Variants in MEGF11 observed in about 807,000 individuals in gnomAD.
MEGF11 encodes multiple EGF like domains 11.
Under a neutral mutation model 146.6 loss-of-function variants are expected in MEGF11, and 126 were observed. The ratio of observed to expected loss-of-function variants is 0.86; its 90% CI spans 0.74 to 1.00. The LOEUF is 1.00. MEGF11 is among the 50% of genes least tolerant of loss of function. The probability of loss-of-function intolerance (pLI) is 0.00; values close to 1 mark genes in which losing one functional copy is unlikely to be tolerated. For synonymous variants in MEGF11, 532 were observed against 583.4 expected (o/e 0.91, Z 1.27); for missense variants, 1,509 against 1,521.2 (o/e 0.99, Z 0.13).
chr15:66,200,300 C>T (rs778906489), intron 1 of MEGF11, among the ~76,000 whole-genome samples: 7 of 152,194 alleles, frequency 4.6e-5, no homozygotes, highest in Non-Finnish European at 8.8e-5. Context: ...ACAAGTTTTA[C>T]TTTTACATTT....
chr15:66,065,112 T>C (rs2085068469), intron 5 of MEGF11, among the ~76,000 whole-genome samples: 1 of 152,074 alleles, frequency 6.6e-6, no homozygotes, highest in Admixed American at 6.6e-5. Flanking sequence ...GGGAAGCAAA[T>C]GCTGCCACGG....
chr15:66,174,265 A>G (rs1322720853), intron 1 of MEGF11, among the ~76,000 whole-genome samples: 2 of 152,194 alleles, frequency 1.3e-5, no homozygotes, highest in African/African-American at 4.8e-5. Flanking sequence ...AAGGCCAGAG[A>G]TCAGAAAGGG....
chr15:66,126,749 A>C (rs2088367840), intron 2 of MEGF11, among the ~76,000 whole-genome samples: 2 of 152,216 alleles, frequency 1.3e-5, no homozygotes, highest in African/African-American at 4.8e-5. Flanking sequence ...GCTGGAGTCC[A>C]AAACCCACAG....
intron 24 of MEGF11, among the ~76,000 whole-genome samples, chr15:65,900,039 G>C (rs145843576): frequency 1.3e-5 from 2 of 152,316 alleles, no homozygotes; most frequent in African/African-American, 4.8e-5. Flanking sequence ...GACTCCTGCA[G>C]ATAGTCCCAG....
intron 24 of MEGF11, 49 bp from the exon 25 acceptor site, chr15:65,898,983 A>G (rs758186894): frequency 8.8e-6 from 14 of 1,588,204 alleles, no homozygotes; most frequent in Middle Eastern, 3.4e-4. Flanking sequence ...ACAAGTCTTC[A>G]TGTTAATATC....
At chr15:66,239,299 C>T (rs1054481580) in intron 1 of MEGF11, among the ~76,000 whole-genome samples, 1 of 152,118 alleles carries the variant, frequency 6.6e-6, no homozygotes, top group African/African-American at 2.4e-5. Flanking sequence ...TGGTATCAAC[C>T]CCCATCTGAA....
chr15:66,223,253 T>C (rs1396261829), intron 1 of MEGF11, among the ~76,000 whole-genome samples: 2 of 152,088 alleles, frequency 1.3e-5, no homozygotes, highest in Non-Finnish European at 2.9e-5. Flanking sequence ...GACCACATAT[T>C]GTATGATTCC....
At chr15:65,966,120 C>T (rs1367860484) in intron 8 of MEGF11, among the ~76,000 whole-genome samples, 3 of 152,112 alleles carry the variant, frequency 2.0e-5, no homozygotes, top group Admixed American at 6.5e-5. Context: ...CTCAGCCTCC[C>T]GAGTAGCTGG....
chr15:65,923,689 C>G (rs140230330), intron 13 of MEGF11, among the ~76,000 whole-genome samples: 78 of 152,288 alleles, frequency 5.1e-4, no homozygotes, highest in African/African-American at 1.8e-3. Flanking sequence ...TGTAACCCAA[C>G]AATTTGATTT....
intron 1 of MEGF11, among the ~76,000 whole-genome samples, chr15:66,175,287 C>T (rs11071865): frequency 0.24 from 37,032 of 151,994 alleles, 4,880 homozygotes; most frequent in South Asian, 0.36. Context: ...TATCAAAATA[C>T]CAATGACAGT....
In MEGF11 at chr15:65,982,564, ATGCGGCCTTCCCATCTTTG is replaced by A. The variant is rs2081692730; in HGVS notation, c.395-95_395-77del. 9 of 1,396,222 alleles carry A rather than the reference ATGCGGCCTTCCCATCTTTG, an allele frequency of 6.4e-6. No homozygotes were observed. Among genetic ancestry groups the A allele is most frequent in the Non-Finnish European group, 6.5e-6 (7 of 1,075,304 alleles). The allele number at this position is 1,396,222 out of a possible 1,614,324, so 86.5% of individuals were successfully genotyped here. On this transcript the variant is annotated intron_variant, in intron 5 of 25. Coordinates refer to ENST00000395614, the MANE Select transcript of MEGF11 (RefSeq NM_001385028.1). This position sits in a 1 kb window ranked among gnomAD's most constrained non-coding sequence, Gnocchi z 5.6. ...GGGCAGGGGCCAGGAACCGATGCCC[ATGCGGCCTTCCCATCTTTG>A]CAGCGCTGCTCCCCGGACAGGTGGC...
At chr15:66,088,796 TAG>T (rs1263285263) in intron 5 of MEGF11, among the ~76,000 whole-genome samples, 1 of 151,902 alleles carries the variant, frequency 6.6e-6, no homozygotes, top group East Asian at 1.9e-4. Context: ...GTCAAATTCA[TAG>T]AGACAGAAAG....
intron 5 of MEGF11, among the ~76,000 whole-genome samples, chr15:66,002,094 T>C (rs2082385139): frequency 6.6e-6 from 1 of 152,064 alleles, no homozygotes; most frequent in Non-Finnish European, 1.5e-5. Context: ...ACAGATCTTT[T>C]CGACTCAGTG....
intron 5 of MEGF11, among the ~76,000 whole-genome samples, chr15:66,088,082 C>T (rs1055051030): frequency 1.1e-4 from 16 of 152,112 alleles, no homozygotes; most frequent in African/African-American, 2.9e-4. Context: ...CTAGAAGCGA[C>T]GGATAAATTC....
chr15:66,224,687 A>G (rs2091812754), intron 1 of MEGF11, among the ~76,000 whole-genome samples: 1 of 146,524 alleles, frequency 6.8e-6, no homozygotes, highest in Non-Finnish European at 1.5e-5. Flanking sequence ...TATAATATAT[A>G]AAGTATATAT....
At chr15:65,933,000 TCAACTC>T (rs1261456374) in intron 10 of MEGF11, among the ~76,000 whole-genome samples, 39 of 152,120 alleles carry the variant, frequency 2.6e-4, no homozygotes, top group Admixed American at 2.5e-3. Flanking sequence ...AGCTCCCTTC[TCAACTC>T]TAAGGGTCCA....
chr15:66,116,002 C>T (rs1311853542), intron 4 of MEGF11, among the ~76,000 whole-genome samples: 1 of 152,174 alleles, frequency 6.6e-6, no homozygotes, highest in Admixed American at 6.5e-5. Flanking sequence ...TAATAGCCAC[C>T]CTAGACAATT....
intron 1 of MEGF11, among the ~76,000 whole-genome samples, chr15:66,158,008 T>C (rs1339082253): frequency 6.6e-6 from 1 of 152,248 alleles, no homozygotes; most frequent in Non-Finnish European, 1.5e-5. Flanking sequence ...CTGTTGCCCC[T>C]TGAAATGTTT....
chr15:66,208,109 A>C lies in MEGF11; in HGVS notation c.-9+45496T>G, dbSNP rs541637098. On this transcript the variant is annotated intron_variant, in intron 1 of 25. Transcript: ENST00000395614. ...CAGAAAAAAAAAAAAAAAGAAGAAG[A>C]AGCAGAGACTGGAACTATATAGGAA... Among the ~76,000 whole-genome samples the C allele has an allele frequency of 1.6e-4, 24 of 152,100 alleles. No individual in the cohort carries two copies. The South Asian group carries it at 3.5e-3, about 22-fold the overall frequency.
Sources: gnomAD v4.1 joint callset for allele counts (sites outside exome capture counted in the v4.1 genomes callset) on GRCh38, gnomAD v4.1.1 for gene constraint, Gnocchi (gnomAD v3.1) non-coding constraint, MANE v1.5 for transcripts, NCBI Gene and HGNC (gene_info 2026-07-23, HGNC 2026-07-21) for gene names.